Variants in LHFPL3 observed in about 807,000 individuals in gnomAD.
LHFPL3 encodes the protein LHFPL tetraspan subfamily member 3 protein.
In LHFPL3, 5 loss-of-function variants were observed where a neutral mutation model predicts 19.3. That is an observed-to-expected ratio of 0.26 (90% CI 0.14 to 0.54). The LOEUF (loss-of-function observed/expected upper bound fraction) is 0.54. Ranked by LOEUF, LHFPL3 falls within the 20% of genes least tolerant of loss-of-function variation. LHFPL3 has a pLI of 0.94. For synonymous variants in LHFPL3, 133 were observed against 126.2 expected (o/e 1.05, Z -0.36); for missense variants, 249 against 307.4 (o/e 0.81, Z 1.42).
At chr7:104,712,131 A>G (rs929119799) in intron 1 of LHFPL3, among the ~76,000 whole-genome samples, 2 of 152,250 alleles carry the variant, frequency 1.3e-5, no homozygotes, top group African/African-American at 4.8e-5. Flanking sequence ...ATTTAATCAT[A>G]TAAGTCCTTA....
At chr7:104,876,826 T>C (rs1219476822) in intron 2 of LHFPL3, among the ~76,000 whole-genome samples, 5 of 152,310 alleles carry the variant, frequency 3.3e-5, no homozygotes, top group South Asian at 2.1e-4. Flanking sequence ...CACATGCACA[T>C]GTATGTTTAT....
chr7:104,852,137 C>T (rs1018289925), intron 2 of LHFPL3, among the ~76,000 whole-genome samples: 5 of 152,112 alleles, frequency 3.3e-5, no homozygotes, highest in Non-Finnish European at 5.9e-5. Context: ...AGAGCCTCAC[C>T]AGCATTAACT....
intron 1 of LHFPL3, among the ~76,000 whole-genome samples, chr7:104,502,771 C>T (rs536208957): frequency 2.8e-4 from 42 of 152,224 alleles, no homozygotes; most frequent in South Asian, 6.2e-4. Flanking sequence ...TTTCCAATGT[C>T]GGTATTGTTA....
At chr7:104,651,638 T>C (rs772641497) in intron 1 of LHFPL3, among the ~76,000 whole-genome samples, 9 of 152,234 alleles carry the variant, frequency 5.9e-5, no homozygotes, top group Non-Finnish European at 1.2e-4. Context: ...ACAATAGAAG[T>C]AGAAGTGACT....
intron 2 of LHFPL3, among the ~76,000 whole-genome samples, chr7:104,834,839 T>A (rs572231981): frequency 2.2e-4 from 34 of 152,122 alleles, no homozygotes; most frequent in African/African-American, 7.5e-4. Flanking sequence ...GAGAAGTTTG[T>A]TCATCTCAAT....
intron 2 of LHFPL3, among the ~76,000 whole-genome samples, chr7:104,813,386 G>A (rs1435383182): frequency 6.6e-6 from 1 of 152,200 alleles, no homozygotes; most frequent in African/African-American, 2.4e-5. Flanking sequence ...AGAAAGCCAG[G>A]GAAGTGATGG....
chr7:104,875,686 GATAA>G (rs1267265965), intron 2 of LHFPL3, among the ~76,000 whole-genome samples: 1 of 152,240 alleles, frequency 6.6e-6, no homozygotes, highest in African/African-American at 2.4e-5. Context: ...TAAATTATAT[GATAA>G]ATAAATAAAC....
At chr7:104,617,727 C>T (rs1791373753) in intron 1 of LHFPL3, among the ~76,000 whole-genome samples, 1 of 152,164 alleles carries the variant, frequency 6.6e-6, no homozygotes, top group Non-Finnish European at 1.5e-5. Context: ...TACTCTGTAG[C>T]TTGAATATGA....
chr7:104,514,428 G>C (rs1364607508), intron 1 of LHFPL3, among the ~76,000 whole-genome samples: 1 of 152,150 alleles, frequency 6.6e-6, no homozygotes, highest in Non-Finnish European at 1.5e-5. Context: ...AATCTCATCT[G>C]TTATTGCTCA....
intron 2 of LHFPL3, among the ~76,000 whole-genome samples, chr7:104,878,018 A>G (rs1040023082): frequency 2.6e-5 from 4 of 152,106 alleles, no homozygotes; most frequent in African/African-American, 4.8e-5. Flanking sequence ...GTATTTTAGT[A>G]GAGACGGGGT....
chr7:104,341,899 T>TAA (rs5886305), intron 1 of LHFPL3, among the ~76,000 whole-genome samples: 23 of 151,670 alleles, frequency 1.5e-4, no homozygotes, highest in African/African-American at 5.3e-4. Context: ...TGAAAAAGAA[T>TAA]AAAAAAAAGG....
chr7:104,502,684 A>G (rs1793623563), intron 1 of LHFPL3, among the ~76,000 whole-genome samples: 1 of 152,180 alleles, frequency 6.6e-6, no homozygotes, highest in African/African-American at 2.4e-5. Context: ...GGAAGATAAA[A>G]TGGACTAAGA....
chr7:104,782,948 G>A (rs927974370), intron 2 of LHFPL3, among the ~76,000 whole-genome samples: 2 of 152,160 alleles, frequency 1.3e-5, no homozygotes, highest in African/African-American at 2.4e-5. Flanking sequence ...GCGCACGCGC[G>A]CACACACACA....
intron 2 of LHFPL3, among the ~76,000 whole-genome samples, chr7:104,755,330 C>A (rs1794262054): frequency 6.6e-6 from 1 of 152,056 alleles, no homozygotes; most frequent in Non-Finnish European, 1.5e-5. Context: ...GGGAAAAGCA[C>A]CACAAAATGA....
intron 1 of LHFPL3, among the ~76,000 whole-genome samples, chr7:104,483,768 A>G (rs1793183308): frequency 1.3e-5 from 2 of 152,128 alleles, no homozygotes; most frequent in Non-Finnish European, 2.9e-5. Flanking sequence ...GATGTGCACC[A>G]CCATGACCAG....
chr7:104,783,721 C>T (rs752606784), intron 2 of LHFPL3, among the ~76,000 whole-genome samples: 13 of 152,168 alleles, frequency 8.5e-5, no homozygotes, highest in Non-Finnish European at 1.6e-4. Context: ...AAATAAACTA[C>T]CTGACTCTAG....
At chr7:104,701,542 A>C (rs1793101039) in intron 1 of LHFPL3, among the ~76,000 whole-genome samples, 1 of 152,218 alleles carries the variant, frequency 6.6e-6, no homozygotes, top group African/African-American at 2.4e-5. Context: ...GATCATTCTA[A>C]AGGTCTTTAT....
intron 1 of LHFPL3, among the ~76,000 whole-genome samples, chr7:104,512,184 G>A (rs1209459108): frequency 6.6e-6 from 1 of 151,734 alleles, no homozygotes; most frequent in East Asian, 1.9e-4. Flanking sequence ...CAAAGTCCCA[G>A]CCTCAAGTGA....
intron 1 of LHFPL3, among the ~76,000 whole-genome samples, chr7:104,651,202 T>A (rs376583490): frequency 6.6e-6 from 1 of 152,190 alleles, no homozygotes; most frequent in South Asian, 2.1e-4. Context: ...AGAAGCACTT[T>A]CCCTGGTGAT....
Sources: allele counts gnomAD v4.1 joint callset (sites outside exome capture counted in the v4.1 genomes callset), GRCh38; gene constraint gnomAD v4.1.1; transcripts MANE v1.5; gene names NCBI Gene and HGNC (gene_info 2026-07-23, HGNC 2026-07-21).